RC3H1: variants seen among roughly 807,000 people sequenced by gnomAD.
RC3H1 encodes the protein ring finger and CCCH-type domains 1.
RC3H1 carries 50 observed loss-of-function variants against 138.2 expected under a neutral mutation model. That is an observed-to-expected ratio of 0.36 (90% CI 0.29 to 0.46). The LOEUF (loss-of-function observed/expected upper bound fraction) is 0.46, where lower values mean the gene tolerates loss of function less well. RC3H1 is among the 20% of genes least tolerant of loss of function. The pLI, the probability that RC3H1 is intolerant of heterozygous loss-of-function variation, is 1.00. For synonymous variants in RC3H1, 462 were observed against 489.1 expected, an observed-to-expected ratio of 0.94 and a Z score of 0.73; for missense variants, 1,031 against 1,388.1, an observed-to-expected ratio of 0.74 and a Z score of 4.09.
Position 173,978,763 on chromosome 1 carries a change from A to G in RC3H1, c.970-143T>C, listed in dbSNP as rs1557939766. 3.8e-6 allele frequency: 3 copies of G among 798,676 alleles called. No homozygotes were observed. The African/African-American group carries it at 5.2e-5, about 14-fold the overall frequency. 49.5% of individuals were successfully genotyped at this position (798,676 alleles called of 1,614,324 possible). On this transcript the variant is annotated intron_variant, in intron 6 of 19. Coordinates refer to ENST00000367696, the MANE Select transcript of RC3H1 (RefSeq NM_172071.4). ...CCCTACACTTTGGCCAGAGTAGATTACTTGCTACCCAAATAAATTCTGTAC... is the reference window on the plus strand; with the variant it reads ...CCCTACACTTTGGCCAGAGTAGATTGCTTGCTACCCAAATAAATTCTGTAC...
chr1:174,017,528 G>A (rs892468699), intron 1 of RC3H1, among the ~76,000 whole-genome samples: 3 of 152,124 alleles, frequency 2.0e-5, no homozygotes, highest in African/African-American at 7.2e-5. Context: ...ATTAGAGACA[G>A]AAAGCAGAAT....
chr1:173,937,692 A>G lies in RC3H1; in HGVS notation c.*1029T>C, dbSNP rs1658664281. 1 of 151,854 alleles carries G rather than the reference A, an allele frequency of 6.6e-6. No individual in the cohort carries two copies. The highest frequency in any genetic ancestry group is 6.6e-5 in the Admixed American group (1 of 15,238). The allele number at this position is 151,854 out of a possible 1,614,324, so 9.4% of individuals were successfully genotyped here. A position where few individuals can be genotyped will look rare whatever the true frequency, so the allele number is the denominator to read the frequency against. ...ATCCTTAAGACTCAATCAGTTCACA[A>G]GTAAAACAAAACATCCATTAAAATA... is the stretch of plus-strand genomic sequence containing the variant. On this transcript the variant is annotated 3_prime_UTR_variant, in exon 20 of 20. Transcript: ENST00000367696.
At position 173,941,272 on chromosome 1, in the gene RC3H1, T is replaced by A. The variant is rs903534025; in HGVS notation, c.3244A>T (p.Thr1082Ser). The change falls in exon 19 of 20, where the codon ACA becomes TCA. Residue 1082 changes from threonine to serine, a missense_variant. By Grantham distance (58) the Thr-to-Ser change is moderately conservative. Around this residue, in one of 7 missense-constraint regions of RC3H1, gnomAD observed 716 missense variants for 837.9 expected, o/e 0.85. Coordinates refer to ENST00000367696, the MANE Select transcript of RC3H1 (RefSeq NM_172071.4). ...NKVPAEDLTL[T>S]FSDVPNGSAL... Reference sequence around the variant, plus strand: ...CAATCTCCTTTTCTTTACCTGAATGTCAATGTAAGGTCCTCAGCCGGAACC... The same window carrying A: ...CAATCTCCTTTTCTTTACCTGAATGACAATGTAAGGTCCTCAGCCGGAACC... 47 of 1,603,426 alleles carry A rather than the reference T, an allele frequency of 2.9e-5. 1 individual carries two copies. The highest frequency in any genetic ancestry group is 3.8e-5 in the Non-Finnish European group (44 of 1,170,704).
rs769322123 is a variant in RC3H1 at position 173,938,786 on chromosome 1, G to A, written c.3337C>T (p.Pro1113Ser). ...KTSSLNLSED[P>S]EGGGDNNDSQ... ...TCATTATTATCCCCTCCTCCCTCAG[G>A]GTCCTCTGACAGGTTCAGAGAGCTG... The change falls in exon 20 of 20, where the codon CCT becomes TCT. Residue 1113 changes from proline (P) to serine (S), a missense_variant. This residue lies in a region of RC3H1 where 716 missense variants were observed against 837.9 expected (regional missense o/e 0.85). Coordinates refer to ENST00000367696, the MANE Select transcript of RC3H1 (RefSeq NM_172071.4). 6.2e-7 allele frequency: 1 copy of A among 1,613,154 alleles called. No homozygotes were observed. Among genetic ancestry groups the A allele is most frequent in the Non-Finnish European group, 8.5e-7 (1 of 1,179,386 alleles).
Position 173,961,106 on chromosome 1 carries a change from T to C in RC3H1, c.2341A>G (p.Thr781Ala), listed in dbSNP as rs754156633. ...ISPPPFAPSP[T>A]LPPTFHPEEF... Reference sequence around the variant, plus strand: ...TCCGGATGAAAGGTAGGAGGCAAGGTTGGTGAAGGTGCAAAAGGAGGTGGA... The same window carrying C: ...TCCGGATGAAAGGTAGGAGGCAAGGCTGGTGAAGGTGCAAAAGGAGGTGGA... The change falls in exon 13 of 20, where the codon ACC becomes GCC. Residue 781 changes from threonine (T) to alanine (A), a missense_variant. By Grantham distance (58) the Thr-to-Ala change is moderately conservative. Around this residue, in one of 7 missense-constraint regions of RC3H1, gnomAD observed 716 missense variants for 837.9 expected, o/e 0.85. Transcript: ENST00000367696. The C allele has an allele frequency of 1.1e-5, 17 of 1,613,442 alleles. No homozygotes were observed. The highest frequency in any genetic ancestry group is 1.4e-5 in the Non-Finnish European group (17 of 1,179,794).
rs1035008802 is a variant in RC3H1, at chr1:173,933,405, G to C, written c.*5316C>G. The C allele has an allele frequency of 6.6e-6, 1 of 151,992 alleles. No homozygotes were observed. The highest frequency in any genetic ancestry group is 2.4e-5 in the African/African-American group (1 of 41,424). 9.4% of individuals were successfully genotyped at this position (151,992 alleles called of 1,614,324 possible). A position where few individuals can be genotyped will look rare whatever the true frequency, so the allele number is the denominator to read the frequency against. ...TATTAAAAGGTGTTACTTATTCCTGGTGGTGATAGTCTTACTCTTTATTAA... is the reference window on the plus strand; with the variant it reads ...TATTAAAAGGTGTTACTTATTCCTGCTGGTGATAGTCTTACTCTTTATTAA... On this transcript the variant is annotated 3_prime_UTR_variant, in exon 20 of 20. Transcript: ENST00000367696.
intron 3 of RC3H1, 111 bp from the exon 4 acceptor site, chr1:173,983,768 A>G (rs1660914412): frequency 4.9e-6 from 5 of 1,024,836 alleles, no homozygotes; most frequent in South Asian, 1.5e-5. Flanking sequence ...TGGGACTACT[A>G]GAGTATTTAA....
intron 1 of RC3H1, among the ~76,000 whole-genome samples, chr1:174,019,296 G>C (rs76390087): frequency 6.6e-6 from 1 of 152,086 alleles, no homozygotes; most frequent in African/African-American, 2.4e-5. Context: ...TGATAATAGG[G>C]TAAGTTCACA....
chr1:173,940,278 C>A (rs1658790196), intron 19 of RC3H1, among the ~76,000 whole-genome samples: 1 of 152,108 alleles, frequency 6.6e-6, no homozygotes, highest in Non-Finnish European at 1.5e-5. Context: ...TTCAGACCAG[C>A]CTGACCAACA....
chr1:173,994,796 C>CAAAAAAA (rs984715226), intron 1 of RC3H1, among the ~76,000 whole-genome samples: 12 of 67,072 alleles, frequency 1.8e-4, no homozygotes, highest in Admixed American at 1.8e-4. Context: ...GACCCCATCT[C>CAAAAAAA]AAAAAAAAAA....
At chr1:174,006,834 G>T (rs1046083889) in intron 1 of RC3H1, among the ~76,000 whole-genome samples, 2 of 151,864 alleles carry the variant, frequency 1.3e-5, no homozygotes, top group African/African-American at 4.8e-5. Flanking sequence ...AAATGAGAAG[G>T]GAACTAAAAT....
chr1:173,999,712 T>C (rs1245643288), intron 1 of RC3H1, among the ~76,000 whole-genome samples: 1 of 152,244 alleles, frequency 6.6e-6, no homozygotes, highest in Non-Finnish European at 1.5e-5. Context: ...CAGATGTTTC[T>C]CTTATTTAAA....
intron 17 of RC3H1, among the ~76,000 whole-genome samples, chr1:173,944,876 TCTA>T (rs1438373215): frequency 6.6e-6 from 1 of 152,168 alleles, no homozygotes; most frequent in Non-Finnish European, 1.5e-5. Context: ...AAAAAGAAAG[TCTA>T]CTAAGAAAGT....
chr1:173,953,468 A>G (rs1328917232), intron 13 of RC3H1, among the ~76,000 whole-genome samples: 1 of 151,916 alleles, frequency 6.6e-6, no homozygotes, highest in East Asian at 2.0e-4. Flanking sequence ...AAGGGGTTTC[A>G]CCATGTTGGC....
At chr1:173,951,755 T>C (rs1174780841) in intron 14 of RC3H1, among the ~76,000 whole-genome samples, 6 of 152,126 alleles carry the variant, frequency 3.9e-5, no homozygotes, top group Admixed American at 3.9e-4. Flanking sequence ...GAAATTGCTA[T>C]TTGCACAGAA....
At chr1:173,954,915 G>A (rs1008775167) in intron 13 of RC3H1, among the ~76,000 whole-genome samples, 1 of 151,980 alleles carries the variant, frequency 6.6e-6, no homozygotes, top group South Asian at 2.1e-4. Context: ...AATGATTTTC[G>A]ATTTGAGGAA....
At position 173,931,553 on chromosome 1, in the gene RC3H1, T is replaced by A. The variant is rs568811841; in HGVS notation, c.*7168A>T. The A allele has an allele frequency of 2.1e-5, 3 of 143,872 alleles. 1 individual carries two copies. The South Asian group carries it at 6.3e-4, about 30-fold the overall frequency. 8.9% of individuals were successfully genotyped at this position (143,872 alleles called of 1,614,324 possible). On this transcript the variant is annotated 3_prime_UTR_variant, in exon 20 of 20. Coordinates refer to ENST00000367696, the MANE Select transcript of RC3H1 (RefSeq NM_172071.4). ...TACTTATTTAGACCCAGAGTTCTGC[T>A]GCCCTAAACATCTTCCTACTACTAT... is the stretch of plus-strand genomic sequence containing the variant.
Position 173,983,521 on chromosome 1 carries a change from T to C in RC3H1, c.489A>G (p.Glu163=), listed in dbSNP as rs1660903615. 6.2e-7 allele frequency: 1 copy of C among 1,614,088 alleles called. No homozygotes were observed. Among genetic ancestry groups the C allele is most frequent in the Non-Finnish European group, 8.5e-7 (1 of 1,180,026 alleles). Residue 163 remains glutamate, a synonymous_variant, in exon 4 of 20, where the codon GAA becomes GAG. Transcript: ENST00000367696. ...RAMRAARSLG[E]RTVTELILQH... is the part of the protein sequence containing the mutation. ...GGAGAATGAGCTCTGTAACTGTTCG[T>C]TCACCTAAAGATCGAGCTGCCCTCA...
At chr1:173,961,639 G>A in intron 12 of RC3H1, 86 bp downstream of exon 12, 1 of 1,215,700 alleles carries the variant, frequency 8.2e-7, no homozygotes, top group Non-Finnish European at 1.1e-6. Flanking sequence ...ATTCATCAAA[G>A]GGTTATTGTC....
Sources: gnomAD v4.1 joint callset for allele counts (sites outside exome capture counted in the v4.1 genomes callset) on GRCh38, gnomAD v4.1.1 for gene constraint, gnomAD v4.1.1 regional missense constraint, MANE v1.5 for transcripts, NCBI Gene and HGNC (gene_info 2026-07-23, HGNC 2026-07-21) for gene names.